The following PALLD variants were observed in gnomAD, a reference collection of about 807,000 sequenced individuals.
PALLD encodes palladin, cytoskeletal associated protein, also known as palladin.
A neutral mutation model predicts 123.5 loss-of-function variants in PALLD; 61 were observed. That is an observed-to-expected ratio of 0.49 (90% confidence interval 0.40 to 0.61). The LOEUF (loss-of-function observed/expected upper bound fraction) is 0.61, where lower values mean the gene tolerates loss of function less well. Among genes scored for constraint, PALLD ranks in the 20% least tolerant of loss-of-function variants. The pLI, the probability that PALLD is intolerant of heterozygous loss-of-function variation, is 0.00. For missense variants in PALLD, 1,273 were observed against 1,377.0 expected (o/e 0.92, Z 1.20); for synonymous variants, 465 against 496.4 (o/e 0.94, Z 0.84).
chr4:168,891,080 G>C, intron 11 of PALLD, 23 bp downstream of exon 11: 1 of 1,613,404 alleles, frequency 6.2e-7, no homozygotes, highest in Non-Finnish European at 8.5e-7. Flanking sequence ...TTGGGACCTG[G>C]ACTTGGAATG....
At chr4:168,702,513 C>T (rs1783772504) in intron 8 of PALLD, among the ~76,000 whole-genome samples, 1 of 152,084 alleles carries the variant, frequency 6.6e-6, no homozygotes, top group Non-Finnish European at 1.5e-5. Context: ...AAGATAGCAC[C>T]ATTGCACTCC....
intron 10 of PALLD, among the ~76,000 whole-genome samples, chr4:168,862,311 A>ATT (rs11409732): frequency 1.8e-4 from 27 of 148,632 alleles, no homozygotes; most frequent in Non-Finnish European, 2.8e-4. Flanking sequence ...CACCTGGCTA[A>ATT]TTTTTTTTTT....
rs1173196938 is a variant in PALLD at position 168,703,492 on chromosome 4, C to T, written c.1502-5536C>T. On this transcript the variant is annotated intron_variant, in intron 8 of 21. Transcript: ENST00000505667. ...CCCTGAGGAATCGCCACACTGACTT[C>T]CGCAATGGTTGAACTAGTTTACAGT... Among the ~76,000 whole-genome samples, 2 of 125,480 alleles carry T rather than the reference C, an allele frequency of 1.6e-5. 1 individual carries two copies. Among genetic ancestry groups the T allele is most frequent in the Non-Finnish European group, 3.2e-5 (2 of 63,310 alleles). The allele number at this position is 125,480 out of a possible 152,430, so 82.3% of individuals were successfully genotyped here.
chr4:168,498,127 T>A (rs1415323798), intron 1 of PALLD, among the ~76,000 whole-genome samples: 1 of 151,110 alleles, frequency 6.6e-6, no homozygotes, highest in Non-Finnish European at 1.5e-5. Context: ...ATTATTCAGA[T>A]TTTTTTTTCA....
chr4:168,643,563 T>C (rs779157668), intron 2 of PALLD, among the ~76,000 whole-genome samples: 10 of 152,146 alleles, frequency 6.6e-5, no homozygotes, highest in Non-Finnish European at 1.0e-4. Context: ...CCAATGTACT[T>C]TGAAACTTTA....
Position 168,593,021 on chromosome 4 carries a change from A to T in PALLD, c.909-75169A>T, listed in dbSNP as rs1411267712. Among the ~76,000 whole-genome samples, 436 of 149,428 alleles carry T rather than the reference A, an allele frequency of 2.9e-3. 21 individuals carry two copies. In the East Asian group the frequency reaches 0.061, roughly 21 times the overall value. On this transcript the variant is annotated intron_variant, in intron 2 of 21. Transcript: ENST00000505667. ...GCAATGTCATTTGCCTCTTCCTTTA[A>T]AAAAAAAAAAGTCAACTATGCAAAA...
intron 10 of PALLD, among the ~76,000 whole-genome samples, chr4:168,734,632 T>G (rs925274890): frequency 1.3e-5 from 2 of 152,232 alleles, no homozygotes; most frequent in Non-Finnish European, 2.9e-5. Context: ...ATGGATAAGC[T>G]GCTGTAAACG....
At chr4:168,590,753 A>G (rs1041053712) in intron 2 of PALLD, among the ~76,000 whole-genome samples, 3 of 152,008 alleles carry the variant, frequency 2.0e-5, no homozygotes, top group Non-Finnish European at 4.4e-5. Context: ...GACCTACTCT[A>G]TAACTAAGCA....
rs114748923 is a variant in PALLD, at chr4:168,788,557, C to T, written c.1964+76634C>T. 9.1e-4 allele frequency among the ~76,000 whole-genome samples: 138 copies of T among 152,232 alleles called. 2 individuals are homozygous for T. The highest frequency in any genetic ancestry group is 6.8e-3 in the Middle Eastern group (2 of 294). Reference sequence around the variant, plus strand: ...GTACTGTGATGGGGGATCCCTGTCACGATCCATTCGTCAATATCCATACAA... The same window carrying T: ...GTACTGTGATGGGGGATCCCTGTCATGATCCATTCGTCAATATCCATACAA... On this transcript the variant is annotated intron_variant, in intron 10 of 21. Transcript: ENST00000505667.
intron 10 of PALLD, among the ~76,000 whole-genome samples, chr4:168,765,588 C>T (rs1305325519): frequency 6.6e-6 from 1 of 152,238 alleles, no homozygotes; most frequent in Non-Finnish European, 1.5e-5. Flanking sequence ...CCAGCTCACA[C>T]TGCAGAACTG....
chr4:168,644,439 G>T (rs1351377159), intron 2 of PALLD, among the ~76,000 whole-genome samples: 4 of 152,054 alleles, frequency 2.6e-5, no homozygotes, highest in Admixed American at 6.6e-5. Context: ...TGTCCCAAGG[G>T]GTTAAACAGA....
At chr4:168,782,267 T>C (rs1241366082) in intron 10 of PALLD, among the ~76,000 whole-genome samples, 1 of 152,212 alleles carries the variant, frequency 6.6e-6, no homozygotes, top group Non-Finnish European at 1.5e-5. Flanking sequence ...TGAGTGTGCT[T>C]GCAACTGTGC....
intron 2 of PALLD, among the ~76,000 whole-genome samples, chr4:168,540,290 A>G (rs1765493148): frequency 6.6e-6 from 1 of 152,210 alleles, no homozygotes; most frequent in Non-Finnish European, 1.5e-5. Flanking sequence ...CTCCAAAAAT[A>G]AATTACAGGC....
intron 10 of PALLD, among the ~76,000 whole-genome samples, chr4:168,757,869 C>T (rs1238033914): frequency 3.9e-5 from 6 of 152,136 alleles, no homozygotes; most frequent in African/African-American, 7.2e-5. Flanking sequence ...GTCAGGAGTT[C>T]GAGACCAGCC....
chr4:168,750,899 A>T (rs991274132), intron 10 of PALLD, among the ~76,000 whole-genome samples: 2 of 152,000 alleles, frequency 1.3e-5, no homozygotes, highest in Admixed American at 6.6e-5. Context: ...TGGATAGATG[A>T]TTTGTCTCTC....
chr4:168,713,119 C>G (rs1482674088), intron 10 of PALLD, among the ~76,000 whole-genome samples: 1 of 152,166 alleles, frequency 6.6e-6, no homozygotes, highest in Non-Finnish European at 1.5e-5. Context: ...CGATATATTG[C>G]TACCCTCTAC....
chr4:168,875,200 C>A (rs189435145), intron 10 of PALLD, among the ~76,000 whole-genome samples: 1 of 149,698 alleles, frequency 6.7e-6, no homozygotes, highest in Non-Finnish European at 1.5e-5. Context: ...GAAAAGACAG[C>A]AGAAAAAAAA....
intron 2 of PALLD, among the ~76,000 whole-genome samples, chr4:168,611,306 T>C (rs1350580031): frequency 6.6e-6 from 1 of 152,152 alleles, no homozygotes; most frequent in African/African-American, 2.4e-5. Context: ...ATCCCACCAG[T>C]TTGCGGTGAA....
rs980256754 is a variant in PALLD at position 168,603,854 on chromosome 4, C to G, written c.909-64336C>G. ...TGGATGAAACAAAAATTAAACAGTT[C>G]TTTTTAAAAAATTGCAGACATCTCA... is the stretch of plus-strand genomic sequence containing the variant. On this transcript the variant is annotated intron_variant, in intron 2 of 21. Transcript: ENST00000505667. Among the ~76,000 whole-genome samples the G allele has an allele frequency of 2.6e-5, 4 of 152,088 alleles. No homozygotes were observed. In the East Asian group the frequency reaches 5.8e-4, roughly 22 times the overall value.
Sources: gnomAD v4.1 joint callset for allele counts (sites outside exome capture counted in the v4.1 genomes callset) on GRCh38, gnomAD v4.1.1 for gene constraint, MANE v1.5 for transcripts, NCBI Gene and HGNC (gene_info 2026-07-23, HGNC 2026-07-21) for gene names.